TAOK3: variants seen among roughly 807,000 people sequenced by gnomAD.
TAOK3 encodes TAO kinase 3, also known as serine/threonine-protein kinase TAO3.
Under a neutral mutation model 120.4 loss-of-function variants are expected in TAOK3, and 40 were observed. That is an observed-to-expected ratio of 0.33 (90% CI 0.26 to 0.43). The LOEUF (loss-of-function observed/expected upper bound fraction) is 0.43. Ranked by LOEUF, TAOK3 falls within the 20% of genes least tolerant of loss-of-function variation. TAOK3 has a pLI of 1.00. For missense variants in TAOK3, 821 were observed against 1,112.1 expected, an observed-to-expected ratio of 0.74 and a Z score of 3.72; for synonymous variants, 355 against 387.5, an observed-to-expected ratio of 0.92 and a Z score of 0.99.
chr12:118,272,808 T>C (rs1010603773), intron 1 of TAOK3, among the ~76,000 whole-genome samples: 7 of 151,830 alleles, frequency 4.6e-5, no homozygotes, highest in Non-Finnish European at 1.0e-4. Flanking sequence ...CCCGTCTCTA[T>C]GAAATAAAAT....
chr12:118,344,966 A>G (rs1374468024), intron 1 of TAOK3, among the ~76,000 whole-genome samples: 2 of 152,162 alleles, frequency 1.3e-5, no homozygotes, highest in Admixed American at 1.3e-4. Context: ...AATGCTAATT[A>G]GAACCTTAAT....
intron 1 of TAOK3, among the ~76,000 whole-genome samples, chr12:118,341,385 G>T (rs1033349625): frequency 2.0e-5 from 3 of 146,566 alleles, no homozygotes; most frequent in African/African-American, 7.9e-5. Flanking sequence ...CTCCTAAATG[G>T]TCCCATAAAT....
At chr12:118,294,533 A>G (rs993887938) in intron 1 of TAOK3, among the ~76,000 whole-genome samples, 13 of 151,962 alleles carry the variant, frequency 8.6e-5, no homozygotes, top group African/African-American at 2.9e-4. Flanking sequence ...ACAGGTGTGC[A>G]CCACCATGCC....
rs199813217 is a variant in TAOK3, at chr12:118,160,139, C to G, written c.2352+7G>C. ...TCGAAGCCGTGGCACCAAACCTAAC[C>G]ACTTACCGCTTGAGAGGCCATCATT... On this transcript the variant is annotated splice_region_variant and intron_variant, in intron 19 of 20. Coordinates refer to ENST00000392533, the MANE Select transcript of TAOK3 (RefSeq NM_016281.4). The surrounding 1 kb of genome is among the most constrained non-coding windows in gnomAD (Gnocchi z 4.2). The G allele has an allele frequency of 6.2e-7, 1 of 1,611,880 alleles. No individual in the cohort carries two copies. Among genetic ancestry groups the G allele is most frequent in the Non-Finnish European group, 8.5e-7 (1 of 1,177,954 alleles).
chr12:118,332,047 C>T (rs1213607795), intron 1 of TAOK3, among the ~76,000 whole-genome samples: 1 of 152,120 alleles, frequency 6.6e-6, no homozygotes, highest in Admixed American at 6.6e-5. Flanking sequence ...TTGGTCTCGA[C>T]CGCCTGACCT....
At chr12:118,331,780 TGAAACCTATGAAG>T (rs1433690723) in intron 1 of TAOK3, among the ~76,000 whole-genome samples, 1 of 151,844 alleles carries the variant, frequency 6.6e-6, no homozygotes, top group East Asian at 1.9e-4. Flanking sequence ...AAAAGCATTT[TGAAACCTATGAAG>T]GTAAAGTATG....
At chr12:118,261,294 T>C (rs913355932) in intron 2 of TAOK3, among the ~76,000 whole-genome samples, 3 of 152,018 alleles carry the variant, frequency 2.0e-5, no homozygotes, top group Non-Finnish European at 2.9e-5. Flanking sequence ...AATTATGAAT[T>C]TGATGAAAAG....
intron 17 of TAOK3, among the ~76,000 whole-genome samples, chr12:118,162,261 A>C (rs1427646566): frequency 6.6e-6 from 1 of 152,046 alleles, no homozygotes; most frequent in Non-Finnish European, 1.5e-5. Context: ...TCACTACTGT[A>C]CTCTCTGTAA....
intron 1 of TAOK3, among the ~76,000 whole-genome samples, chr12:118,288,452 T>G (rs1354360044): frequency 6.6e-6 from 1 of 152,056 alleles, no homozygotes; most frequent in Non-Finnish European, 1.5e-5. Flanking sequence ...AGTGGGAAGG[T>G]TAAGATCTGT....
intron 1 of TAOK3, among the ~76,000 whole-genome samples, chr12:118,270,005 C>G (rs2041632894): frequency 6.6e-6 from 1 of 152,114 alleles, no homozygotes; most frequent in Non-Finnish European, 1.5e-5. Context: ...TCTCTGATGC[C>G]TAAATGAATG....
chr12:118,175,948 G>T (rs1321277206), intron 16 of TAOK3, among the ~76,000 whole-genome samples: 1 of 152,172 alleles, frequency 6.6e-6, no homozygotes, highest in Admixed American at 6.5e-5. Context: ...ACAGGGCACA[G>T]GGATACAGTT....
At chr12:118,233,108 T>C (rs568052791) in intron 9 of TAOK3, among the ~76,000 whole-genome samples, 13 of 151,912 alleles carry the variant, frequency 8.6e-5, no homozygotes, top group African/African-American at 3.1e-4. Flanking sequence ...TGCAGGGACA[T>C]GGATGAAACT....
intron 13 of TAOK3, chr12:118,190,607 A>G (rs2037383971): frequency 6.6e-6 from 1 of 152,222 alleles, no homozygotes; most frequent in South Asian, 2.1e-4. Flanking sequence ...AATTTTAACC[A>G]AATGATACGT....
At chr12:118,164,513 G>T (rs929509406) in intron 17 of TAOK3, among the ~76,000 whole-genome samples, 1 of 151,748 alleles carries the variant, frequency 6.6e-6, no homozygotes, top group African/African-American at 2.4e-5. Context: ...CGCCTCCAGG[G>T]TTCAAGCAAT....
At chr12:118,349,860 A>G (rs2045058603) in intron 1 of TAOK3, among the ~76,000 whole-genome samples, 1 of 152,188 alleles carries the variant, frequency 6.6e-6, no homozygotes, top group Non-Finnish European at 1.5e-5. Context: ...TGACCTTTCA[A>G]TCAGCAAATC....
At chr12:118,231,949 A>T (rs935704165) in intron 9 of TAOK3, among the ~76,000 whole-genome samples, 40 of 152,240 alleles carry the variant, frequency 2.6e-4, no homozygotes, top group African/African-American at 9.4e-4. Context: ...AAAGAAAAAA[A>T]AGAATTTTTT....
intron 1 of TAOK3, among the ~76,000 whole-genome samples, chr12:118,338,774 G>A (rs1177945995): frequency 3.5e-5 from 4 of 113,450 alleles, no homozygotes; most frequent in Non-Finnish European, 6.6e-5. Context: ...TCGACAGAGT[G>A]AGACTCCGTC....
intron 17 of TAOK3, among the ~76,000 whole-genome samples, chr12:118,164,776 A>G (rs1368902298): frequency 6.6e-6 from 1 of 152,198 alleles, no homozygotes; most frequent in African/African-American, 2.4e-5. Context: ...GGCATCCACT[A>G]TAGGAGAAAA....
At chr12:118,348,585 G>T (rs538955962) in intron 1 of TAOK3, among the ~76,000 whole-genome samples, 1 of 151,386 alleles carries the variant, frequency 6.6e-6, no homozygotes, top group Non-Finnish European at 1.5e-5. Flanking sequence ...CGAGTAGCTC[G>T]GACTACAGGT....
Sources: allele counts gnomAD v4.1 joint callset (sites outside exome capture counted in the v4.1 genomes callset), GRCh38; gene constraint gnomAD v4.1.1; non-coding constraint Gnocchi (gnomAD v3.1); transcripts MANE v1.5; gene names NCBI Gene and HGNC (gene_info 2026-07-23, HGNC 2026-07-21).